The following RGS6 variants were observed in gnomAD, a reference collection of about 807,000 sequenced individuals.
RGS6 encodes the protein regulator of G protein signaling 6.
Under a neutral mutation model 78.5 loss-of-function variants are expected in RGS6, and 30 were observed. The observed-to-expected ratio is 0.38, with a 90% CI of 0.29 to 0.52. The LOEUF (loss-of-function observed/expected upper bound fraction) is 0.52. RGS6 is among the 20% of genes least tolerant of loss of function. RGS6 has a pLI of 0.85. For synonymous variants in RGS6, 206 were observed against 206.0 expected (o/e 1.00, Z 0.00); for missense variants, 495 against 609.7 (o/e 0.81, Z 1.98).
At chr14:71,900,684 C>T in the RGS6 span, among the ~76,000 whole-genome samples, 6 of 152,112 alleles carry the variant, frequency 3.9e-5, no homozygotes, top group African/African-American at 1.4e-4. Flanking sequence ...AAGGATAGCA[C>T]ACAGAACTGT....
intron 2 of RGS6, among the ~76,000 whole-genome samples, chr14:72,137,640 T>C (rs570596937): frequency 6.6e-6 from 1 of 152,304 alleles, no homozygotes; most frequent in East Asian, 1.9e-4. Context: ...TCACAAAGGA[T>C]TTTTTAAAGA....
chr14:72,289,698 ACT>A (rs2063233828), intron 2 of RGS6, among the ~76,000 whole-genome samples: 1 of 152,156 alleles, frequency 6.6e-6, no homozygotes, highest in African/African-American at 2.4e-5. Flanking sequence ...AGGTCTTCTG[ACT>A]CTACATCCAG....
chr14:72,167,612 T>C (rs893684184), intron 2 of RGS6, among the ~76,000 whole-genome samples: 1 of 152,238 alleles, frequency 6.6e-6, no homozygotes, highest in African/African-American at 2.4e-5. Context: ...GATAATACTT[T>C]TTGATCTTCT....
chr14:72,082,623 T>C (rs2094870684), intron 2 of RGS6, among the ~76,000 whole-genome samples: 1 of 152,142 alleles, frequency 6.6e-6, no homozygotes, highest in African/African-American at 2.4e-5. Context: ...ATCATCATGT[T>C]GTACCCCATA....
chr14:72,171,320 A>C (rs906932804), intron 2 of RGS6, among the ~76,000 whole-genome samples: 3 of 152,168 alleles, frequency 2.0e-5, no homozygotes, highest in Non-Finnish European at 4.4e-5. Flanking sequence ...CATTATAGAG[A>C]GGAATGACAG....
intron 16 of RGS6, 36 bp downstream of exon 16, chr14:72,536,311 G>A (rs756202198): frequency 1.4e-6 from 2 of 1,458,006 alleles, no homozygotes; most frequent in Middle Eastern, 1.7e-4. Context: ...TCTTAGCACT[G>A]TTGACTCTTG....
intron 2 of RGS6, among the ~76,000 whole-genome samples, chr14:72,043,757 T>C (rs976032274): frequency 1.3e-5 from 2 of 152,232 alleles, no homozygotes; most frequent in Non-Finnish European, 2.9e-5. Context: ...CCTAGATTGG[T>C]ATTTTGGTGT....
At chr14:72,039,160 A>T (rs2092100090) in intron 2 of RGS6, among the ~76,000 whole-genome samples, 1 of 152,234 alleles carries the variant, frequency 6.6e-6, no homozygotes, top group African/African-American at 2.4e-5. Context: ...ATACTCAGTG[A>T]ATCTACATTT....
chr14:72,153,807 A>G (rs1222669612), intron 2 of RGS6, among the ~76,000 whole-genome samples: 1 of 152,204 alleles, frequency 6.6e-6, no homozygotes, highest in African/African-American at 2.4e-5. Context: ...AACAGAACAA[A>G]GGGCAAAAGG....
chr14:72,483,168 G>A (rs1184176239), intron 12 of RGS6, among the ~76,000 whole-genome samples: 1 of 152,118 alleles, frequency 6.6e-6, no homozygotes, highest in African/African-American at 2.4e-5. Context: ...AACACTCCAT[G>A]CATTTTAGTC....
chr14:72,274,357 C>A (rs1595133739), intron 2 of RGS6, among the ~76,000 whole-genome samples: 1 of 152,172 alleles, frequency 6.6e-6, no homozygotes, highest in Non-Finnish European at 1.5e-5. Flanking sequence ...GCATCCAGGG[C>A]TTGGGGTCCT....
Position 72,231,079 on chromosome 14 carries a change from G to A in RGS6, c.85-121016G>A, listed in dbSNP as rs147274554. On this transcript the variant is annotated intron_variant, in intron 2 of 17. Coordinates refer to ENST00000553525, the MANE Select transcript of RGS6 (RefSeq NM_001204424.2). Reference sequence around the variant, plus strand: ...GATTGATGATTGGAGGAATCTTCAGGCTGGGGTCACTGGAGTCTCAAGGGG... The same window carrying A: ...GATTGATGATTGGAGGAATCTTCAGACTGGGGTCACTGGAGTCTCAAGGGG... Among the ~76,000 whole-genome samples, 4 of 152,244 alleles carry A rather than the reference G, an allele frequency of 2.6e-5. No individual in the cohort carries two copies. The East Asian group carries it at 7.7e-4, about 29-fold the overall frequency.
intron 2 of RGS6, among the ~76,000 whole-genome samples, chr14:72,332,736 C>G (rs955043701): frequency 1.3e-5 from 2 of 152,174 alleles, no homozygotes; most frequent in African/African-American, 4.8e-5. Context: ...TCTCTCCTAC[C>G]AAGGAGAGGG....
intron 3 of RGS6, among the ~76,000 whole-genome samples, chr14:72,352,972 A>T (rs1401658399): frequency 6.6e-6 from 1 of 152,250 alleles, no homozygotes; most frequent in Non-Finnish European, 1.5e-5. Flanking sequence ...GCTTTTCAAA[A>T]TTCGGGAACC....
chr14:71,908,615 A>G, the RGS6 span, among the ~76,000 whole-genome samples: 3 of 152,194 alleles, frequency 2.0e-5, no homozygotes, highest in African/African-American at 7.2e-5. Flanking sequence ...TCAGGGCACA[A>G]TGAGGCCACA....
the RGS6 span, among the ~76,000 whole-genome samples, chr14:71,885,403 G>T: frequency 3.0e-3 from 456 of 152,350 alleles, 3 homozygotes; most frequent in Admixed American, 4.6e-3. Flanking sequence ...GCATTCCTGA[G>T]CTGGGCAGTA....
intron 17 of RGS6, among the ~76,000 whole-genome samples, chr14:72,544,189 G>A (rs1259278078): frequency 6.6e-6 from 1 of 152,212 alleles, no homozygotes; most frequent in African/African-American, 2.4e-5. Flanking sequence ...AGCCACAGCA[G>A]CAGCTCCCTT....
intron 2 of RGS6, among the ~76,000 whole-genome samples, chr14:72,005,713 C>G (rs2084421517): frequency 6.6e-6 from 1 of 152,072 alleles, no homozygotes; most frequent in Admixed American, 6.6e-5. Context: ...TTTGAAGGGT[C>G]CTTTGGATAG....
chr14:71,925,416 A>T, the RGS6 span, among the ~76,000 whole-genome samples: 1 of 151,990 alleles, frequency 6.6e-6, no homozygotes, highest in South Asian at 2.1e-4. Context: ...ATGTAGTCCC[A>T]CTTGTTTATT....
Sources: gnomAD v4.1 joint callset for allele counts (sites outside exome capture counted in the v4.1 genomes callset) on GRCh38, gnomAD v4.1.1 for gene constraint, MANE v1.5 for transcripts, NCBI Gene and HGNC (gene_info 2026-07-23, HGNC 2026-07-21) for gene names.